SPN: variants seen among roughly 807,000 people sequenced by gnomAD.
SPN encodes the protein sialophorin, also known as leukosialin.
A neutral mutation model predicts 8.4 loss-of-function variants in SPN; 6 were observed. That is an observed-to-expected ratio of 0.72 (90% confidence interval 0.39 to 1.42). The LOEUF is 1.42. Among genes scored for constraint, SPN ranks in the 40% most tolerant of loss-of-function variants. SPN has a pLI of 0.02. For missense variants in SPN, 517 were observed against 530.6 expected (o/e 0.97, Z 0.25); for synonymous variants, 201 against 222.6 (o/e 0.90, Z 0.86).
rs1026582263 is a variant in SPN, at chr16:29,665,477, G to A, written c.*546G>A. On this transcript the variant is annotated 3_prime_UTR_variant, in exon 2 of 2. Transcript: ENST00000652691. ...CAGGGCAGGGCTGGCACCTCTCAAC[G>A]TCTGTGGACTGAATGAATAAACCCT... 6.0e-6 allele frequency: 1 copy of A among 167,178 alleles called. No homozygotes were observed. The highest frequency in any genetic ancestry group is 1.5e-5 in the Non-Finnish European group (1 of 68,272). The allele number at this position is 167,178 out of a possible 1,614,324, so 10.4% of individuals were successfully genotyped here. A position where few individuals can be genotyped will look rare whatever the true frequency, so the allele number is the denominator to read the frequency against.
Position 29,667,071 on chromosome 16 carries a change from A to G in SPN, c.*2140A>G. 1 of 466,006 alleles carries G rather than the reference A, an allele frequency of 2.1e-6. No individual in the cohort carries two copies. Among genetic ancestry groups the G allele is most frequent in the Non-Finnish European group, 4.5e-6 (1 of 223,890 alleles). 28.9% of individuals were successfully genotyped at this position (466,006 alleles called of 1,614,324 possible). On this transcript the variant is annotated 3_prime_UTR_variant, in exon 2 of 2. Coordinates refer to ENST00000652691, the MANE Select transcript of SPN (RefSeq NM_003123.6). ...AGTGGGAGAGGAGACGGAGGGAGGG[A>G]GCGGGAAGGGGCTTGCTTAGTGGGT...
rs1567320039 is a variant in SPN at position 29,664,370 on chromosome 16, C to G, written c.642C>G (p.Pro214=). ...PVTMTTGSLE[P]SSGASGPQVS... is the part of the protein sequence containing the mutation. ...CCATGACAACTGGCTCTCTGGAGCC[C>G]TCCAGCGGGGCCAGTGGACCCCAGG... The change falls in exon 2 of 2, where the codon CCC becomes CCG. Residue 214 remains proline, a synonymous_variant. Transcript: ENST00000652691. This position sits in a 1 kb window ranked among gnomAD's most constrained non-coding sequence, Gnocchi z 6.4. The G allele has an allele frequency of 1.2e-6, 2 of 1,613,566 alleles. No individual in the cohort carries two copies. Among genetic ancestry groups the G allele is most frequent in the Admixed American group, 3.3e-5 (2 of 60,020 alleles).
At position 29,663,855 on chromosome 16, in the gene SPN, A is replaced by G. The variant is rs1305891967; in HGVS notation, c.127A>G (p.Lys43Glu). ...LVSTSEPLSS[K>E]MYTTSITSDP... ...CTCTACTAGCGAGCCCCTGAGCTCA[A>G]AGATGTACACCACTTCAATAACAAG... Residue 43 changes from lysine to glutamate, a missense_variant, in exon 2 of 2, where the codon AAG (lysine) becomes GAG (glutamate). Transcript: ENST00000652691. This position sits in a 1 kb window ranked among gnomAD's most constrained non-coding sequence, Gnocchi z 4.3. 1.2e-6 allele frequency: 2 copies of G among 1,614,124 alleles called. No homozygotes were observed. Among genetic ancestry groups the G allele is most frequent in the Non-Finnish European group, 1.7e-6 (2 of 1,180,008 alleles).
rs1458536368 is a variant in SPN at position 29,668,335 on chromosome 16, A to T, written c.*3404A>T. ...CTCCCAAAATGCTGGGACTATAGGC[A>T]TGAGCCACTGCACCCAGCCACTGCT... On this transcript the variant is annotated 3_prime_UTR_variant, in exon 2 of 2. Coordinates refer to ENST00000652691, the MANE Select transcript of SPN (RefSeq NM_003123.6). 6.6e-6 allele frequency: 1 copy of T among 152,260 alleles called. No individual in the cohort carries two copies. Among genetic ancestry groups the T allele is most frequent in the East Asian group, 1.9e-4 (1 of 5,192 alleles). The allele number at this position is 152,260 out of a possible 1,614,324, so 9.4% of individuals were successfully genotyped here. A position where few individuals can be genotyped will look rare whatever the true frequency, so the allele number is the denominator to read the frequency against.
chr16:29,664,619 C>CGGG lies in SPN; in HGVS notation c.893_895dup (p.Gly298dup), dbSNP rs1463359036. 1 of 1,594,436 alleles carries CGGG rather than the reference C, an allele frequency of 6.3e-7. No homozygotes were observed. Among genetic ancestry groups the CGGG allele is most frequent in the Non-Finnish European group, 8.5e-7 (1 of 1,170,832 alleles). On this transcript the variant is annotated inframe_insertion, in exon 2 of 2. Coordinates refer to ENST00000652691, the MANE Select transcript of SPN (RefSeq NM_003123.6). This position sits in a 1 kb window ranked among gnomAD's most constrained non-coding sequence, Gnocchi z 6.4. ...TGCTGAGCAGAGGCGGCAAGCGTAA[C>CGGG]GGGGTGGTGGACGCCTGGGCTGGGC... is the stretch of plus-strand genomic sequence containing the variant.
In SPN at chr16:29,669,373, G is replaced by A. The variant is rs1596775138; in HGVS notation, c.*4442G>A. 1 of 163,324 alleles carries A rather than the reference G, an allele frequency of 6.1e-6. No individual in the cohort carries two copies. Among genetic ancestry groups the A allele is most frequent in the African/African-American group, 2.4e-5 (1 of 41,096 alleles). 10.1% of individuals were successfully genotyped at this position (163,324 alleles called of 1,614,324 possible). A position where few individuals can be genotyped will look rare whatever the true frequency, so the allele number is the denominator to read the frequency against. ...TGCACCACCAAACCCGGATAATTTT[G>A]TATTTTTAGTAGAGATGGGGTTTCA... is the stretch of plus-strand genomic sequence containing the variant. On this transcript the variant is annotated 3_prime_UTR_variant, in exon 2 of 2. Coordinates refer to ENST00000652691, the MANE Select transcript of SPN (RefSeq NM_003123.6).
Position 29,666,729 on chromosome 16 carries a change from G to C in SPN, c.*1798G>C, listed in dbSNP as rs1966822618. ...TCCATCCTCCAAGAGGAACCAGTGA[G>C]AGTGAGTGAAGGAGGGGCCTGGAGC... On this transcript the variant is annotated 3_prime_UTR_variant, in exon 2 of 2. Coordinates refer to ENST00000652691, the MANE Select transcript of SPN (RefSeq NM_003123.6). The C allele has an allele frequency of 2.7e-6, 1 of 376,948 alleles. No homozygotes were observed. The highest frequency in any genetic ancestry group is 2.1e-5 in the African/African-American group (1 of 46,988). 23.4% of individuals were successfully genotyped at this position (376,948 alleles called of 1,614,324 possible).
chr16:29,663,679 G>T lies in SPN; in HGVS notation c.-34-16G>T. On this transcript the variant is annotated splice_polypyrimidine_tract_variant and intron_variant, in intron 1 of 1. Transcript: ENST00000652691. The surrounding 1 kb of genome is among the most constrained non-coding windows in gnomAD (Gnocchi z 4.3). ...CAACTCCCGCGTGTTCTGCTTCTCC[G>T]GCTGCCCACCTGCAGGTCCCAGCTC... 1.3e-6 allele frequency: 2 copies of T among 1,516,462 alleles called. No homozygotes were observed. The highest frequency in any genetic ancestry group is 1.8e-6 in the Non-Finnish European group (2 of 1,136,068). The allele number at this position is 1,516,462 out of a possible 1,614,324, so 93.9% of individuals were successfully genotyped here.
chr16:29,664,064 A>C lies in SPN; in HGVS notation c.336A>C (p.Ala112=). 6.2e-7 allele frequency: 1 copy of C among 1,614,018 alleles called. No homozygotes were observed. Among genetic ancestry groups the C allele is most frequent in the Non-Finnish European group, 8.5e-7 (1 of 1,180,008 alleles). Residue 112 remains alanine (A), a synonymous_variant, in exon 2 of 2, where the codon GCA becomes GCC. Coordinates refer to ENST00000652691, the MANE Select transcript of SPN (RefSeq NM_003123.6). This position sits in a 1 kb window ranked among gnomAD's most constrained non-coding sequence, Gnocchi z 6.4. ...CAGTGCCCCAGGAAACCCCTCATGC[A>C]ACCAGTCATCCTGCTGTTCCCATAA... ...MSSVPQETPH[A]TSHPAVPITA...
Position 29,667,520 on chromosome 16 carries a change from G to C in SPN, c.*2589G>C, listed in dbSNP as rs1181119724. On this transcript the variant is annotated 3_prime_UTR_variant, in exon 2 of 2. Coordinates refer to ENST00000652691, the MANE Select transcript of SPN (RefSeq NM_003123.6). Reference sequence around the variant, plus strand: ...AGGCCGGGTGCGGTGGCTCACGCCTGTAATCTCAGCACTTTGGGAGGCCAA... The same window carrying C: ...AGGCCGGGTGCGGTGGCTCACGCCTCTAATCTCAGCACTTTGGGAGGCCAA... 6.0e-6 allele frequency: 1 copy of C among 165,980 alleles called. No homozygotes were observed. Among genetic ancestry groups the C allele is most frequent in the Non-Finnish European group, 1.4e-5 (1 of 69,368 alleles). The allele number at this position is 165,980 out of a possible 1,614,324, so 10.3% of individuals were successfully genotyped here. A position where few individuals can be genotyped will look rare whatever the true frequency, so the allele number is the denominator to read the frequency against.
chr16:29,663,046 T>G (rs1284242783), upstream of SPN: 3 of 152,718 alleles, frequency 2.0e-5, no homozygotes, highest in Non-Finnish European at 4.4e-5. This position sits in a 1 kb window ranked among gnomAD's most constrained non-coding sequence, Gnocchi z 4.3. Context: ...CCAGGAATCC[T>G]GATTCCAGAT....
rs1356621205 is a variant in SPN at position 29,667,372 on chromosome 16, G to A, written c.*2441G>A. The A allele has an allele frequency of 4.6e-6, 1 of 217,568 alleles. No homozygotes were observed. The highest frequency in any genetic ancestry group is 1.0e-5 in the Non-Finnish European group (1 of 95,502). The allele number at this position is 217,568 out of a possible 1,614,324, so 13.5% of individuals were successfully genotyped here. A position where few individuals can be genotyped will look rare whatever the true frequency, so the allele number is the denominator to read the frequency against. On this transcript the variant is annotated 3_prime_UTR_variant, in exon 2 of 2. Coordinates refer to ENST00000652691, the MANE Select transcript of SPN (RefSeq NM_003123.6). The stretch of plus-strand genomic sequence containing the variant: ...CAGATATGGTTGTTTTCTAAGCCAG[G>A]ACTGGTTTTAGTCAGGTCCTGGGCG...
In SPN at chr16:29,667,102, G is replaced by A; in HGVS notation, c.*2171G>A. The A allele has an allele frequency of 2.2e-6, 1 of 457,690 alleles. No individual in the cohort carries two copies. The highest frequency in any genetic ancestry group is 1.6e-5 in the South Asian group (1 of 63,764). 28.4% of individuals were successfully genotyped at this position (457,690 alleles called of 1,614,324 possible). A position where few individuals can be genotyped will look rare whatever the true frequency, so the allele number is the denominator to read the frequency against. On this transcript the variant is annotated 3_prime_UTR_variant, in exon 2 of 2. Transcript: ENST00000652691. ...AAGGGGCTTGCTTAGTGGGTGGGAAGAGCTGAGCTCGGATGGAACCAGCTT... is the reference window on the plus strand; with the variant it reads ...AAGGGGCTTGCTTAGTGGGTGGGAAAAGCTGAGCTCGGATGGAACCAGCTT...
rs149883663 is a variant in SPN at position 29,664,138 on chromosome 16, C to T, written c.410C>T (p.Thr137Met). ...ACCGTGACAGGTGGAACCATAACAACGAACTCTCCAGAAACCTCCAGTAGG... is the reference window on the plus strand; with the variant it reads ...ACCGTGACAGGTGGAACCATAACAATGAACTCTCCAGAAACCTCCAGTAGG... ...SHTVTGGTIT[T>M]NSPETSSRTS... The change falls in exon 2 of 2, where the codon ACG becomes ATG. Residue 137 changes from threonine (T) to methionine (M), a missense_variant. By Grantham distance (81) the Thr-to-Met change is moderately conservative. Transcript: ENST00000652691. The surrounding 1 kb of genome is among the most constrained non-coding windows in gnomAD (Gnocchi z 6.4). 19 of 1,613,960 alleles carry T rather than the reference C, an allele frequency of 1.2e-5. No individual in the cohort carries two copies. The highest frequency in any genetic ancestry group is 2.2e-5 in the East Asian group (1 of 44,872).
At position 29,669,231 on chromosome 16, in the gene SPN, C is replaced by G. The variant is rs1219553310; in HGVS notation, c.*4300C>G. 1 of 158,004 alleles carries G rather than the reference C, an allele frequency of 6.3e-6. No homozygotes were observed. Among genetic ancestry groups the G allele is most frequent in the South Asian group, 2.2e-4 (1 of 4,538 alleles). The allele number at this position is 158,004 out of a possible 1,614,324, so 9.8% of individuals were successfully genotyped here. On this transcript the variant is annotated 3_prime_UTR_variant, in exon 2 of 2. Transcript: ENST00000652691. ...TTTTTTTTTTTTGAGATGGAGTTTT[C>G]ACTCTTGTTACCCAGGCTGGAGTGC...
At position 29,669,343 on chromosome 16, in the gene SPN, A is replaced by G; in HGVS notation, c.*4412A>G. ...CAGCCTCCCAGGTAGCTGGGATTACAGGCATGCACCACCAAACCCGGATAA... is the reference window on the plus strand; with the variant it reads ...CAGCCTCCCAGGTAGCTGGGATTACGGGCATGCACCACCAAACCCGGATAA... On this transcript the variant is annotated 3_prime_UTR_variant, in exon 2 of 2. Transcript: ENST00000652691. 6.1e-6 allele frequency: 1 copy of G among 163,718 alleles called. No individual in the cohort carries two copies. The highest frequency in any genetic ancestry group is 1.5e-5 in the Non-Finnish European group (1 of 67,576). The allele number at this position is 163,718 out of a possible 1,614,324, so 10.1% of individuals were successfully genotyped here.
In SPN at chr16:29,665,439, A is replaced by G. The variant is rs1484481528; in HGVS notation, c.*508A>G. 1 of 167,204 alleles carries G rather than the reference A, an allele frequency of 6.0e-6. No individual in the cohort carries two copies. Among genetic ancestry groups the G allele is most frequent in the East Asian group, 1.9e-4 (1 of 5,174 alleles). 10.4% of individuals were successfully genotyped at this position (167,204 alleles called of 1,614,324 possible). On this transcript the variant is annotated 3_prime_UTR_variant, in exon 2 of 2. Coordinates refer to ENST00000652691, the MANE Select transcript of SPN (RefSeq NM_003123.6). ...CTGCCATCCTCACCCAGCACCCACAACTAGCGCCTGGGCAGGGCAGGGCTG... is the reference window on the plus strand; with the variant it reads ...CTGCCATCCTCACCCAGCACCCACAGCTAGCGCCTGGGCAGGGCAGGGCTG...
rs1966843904 is a variant in SPN at position 29,669,875 on chromosome 16, T to TC, written c.*4945dup. ...TGGGCGACAAGTAAAAAACTCCATC[T>TC]CAAAAAAAAAAAAGGAGATAGAGCA... On this transcript the variant is annotated 3_prime_UTR_variant, in exon 2 of 2. Coordinates refer to ENST00000652691, the MANE Select transcript of SPN (RefSeq NM_003123.6). 1.3e-5 allele frequency: 1 copy of TC among 75,222 alleles called. No individual in the cohort carries two copies. The highest frequency in any genetic ancestry group is 3.1e-5 in the Non-Finnish European group (1 of 31,768). The allele number at this position is 75,222 out of a possible 1,614,324, so 4.7% of individuals were successfully genotyped here. A position where few individuals can be genotyped will look rare whatever the true frequency, so the allele number is the denominator to read the frequency against.
Position 29,664,705 on chromosome 16 carries a change from AGGGCTCT to A in SPN, c.981_987del (p.Gly329ProfsTer31). The A allele has an allele frequency of 6.7e-7, 1 of 1,484,210 alleles. No homozygotes were observed. Among genetic ancestry groups the A allele is most frequent in the Non-Finnish European group, 8.9e-7 (1 of 1,118,908 alleles). The allele number at this position is 1,484,210 out of a possible 1,614,324, so 91.9% of individuals were successfully genotyped here. On this transcript the variant is annotated frameshift_variant, in exon 2 of 2. Transcript: ENST00000652691. LOFTEE classifies it high-confidence loss of function. This position sits in a 1 kb window ranked among gnomAD's most constrained non-coding sequence, Gnocchi z 6.4. ...ACCGTGGGAGGGTCCGGGGGCGACAAGGGCTCTGGGTTCCCCGATGGGGAGGGGTCTA... is the reference window on the plus strand; with the variant it reads ...ACCGTGGGAGGGTCCGGGGGCGACAAGGGTTCCCCGATGGGGAGGGGTCTA...
Sources: gnomAD v4.1 joint callset for allele counts on GRCh38, gnomAD v4.1.1 for gene constraint, Gnocchi (gnomAD v3.1) non-coding constraint, MANE v1.5 for transcripts, NCBI Gene and HGNC (gene_info 2026-07-23, HGNC 2026-07-21) for gene names.